Variants in TADA1 observed in about 807,000 individuals in gnomAD.
The protein encoded by TADA1 is transcriptional adapter 1.
TADA1 carries 23 observed loss-of-function variants against 39.3 expected under a neutral mutation model. The ratio of observed to expected loss-of-function variants is 0.58; its 90% CI spans 0.42 to 0.83. The LOEUF is 0.83. TADA1 is among the 40% of genes least tolerant of loss of function. The pLI, the probability that TADA1 is intolerant of heterozygous loss-of-function variation, is 0.00. For synonymous variants in TADA1, 137 were observed against 151.8 expected (o/e 0.90, Z 0.72); for missense variants, 352 against 408.1 (o/e 0.86, Z 1.18).
At position 166,862,352 on chromosome 1, in the gene TADA1, G is replaced by C; in HGVS notation, c.391C>G (p.Gln131Glu). 2 of 1,614,144 alleles carry C rather than the reference G, an allele frequency of 1.2e-6. No individual in the cohort carries two copies. The highest frequency in any genetic ancestry group is 1.7e-6 in the Non-Finnish European group (2 of 1,180,032). ...CAAAGTTTCAAGTCGTCATCATCTT[G>C]GGGATCCTTTGCCACAAATTGCTGG... ...GAQQFVAKDPQDDDDLKLCSH... is the reference protein window; with the variant it reads ...GAQQFVAKDPEDDDDLKLCSH... Residue 131 changes from glutamine to glutamate, a missense_variant, in exon 5 of 8, where the codon CAA becomes GAA. By Grantham distance (29) the Gln-to-Glu change is conservative. Coordinates refer to ENST00000367874, the MANE Select transcript of TADA1 (RefSeq NM_053053.4).
chr1:166,870,742 C>T (rs1658639501), intron 1 of TADA1, among the ~76,000 whole-genome samples: 3 of 152,084 alleles, frequency 2.0e-5, no homozygotes, highest in Admixed American at 2.0e-4. Context: ...AGTGGAGGGA[C>T]TGATTGAGCC....
chr1:166,859,795 C>G (rs1658366470), intron 6 of TADA1, among the ~76,000 whole-genome samples: 1 of 151,830 alleles, frequency 6.6e-6, no homozygotes, highest in Non-Finnish European at 1.5e-5. Flanking sequence ...CTCCCACCAC[C>G]AAGACACCCA....
intron 5 of TADA1, 92 bp downstream of exon 5, chr1:166,862,111 T>G: frequency 2.5e-6 from 3 of 1,219,014 alleles, no homozygotes; most frequent in Non-Finnish European, 3.6e-6. Context: ...CAGAGTGACA[T>G]TTGGATTCTT....
At chr1:166,869,738 A>G in intron 2 of TADA1, 25 bp downstream of exon 2, 1 of 1,590,554 alleles carries the variant, frequency 6.3e-7, no homozygotes, top group Non-Finnish European at 8.6e-7. Flanking sequence ...GAATAGTAAA[A>G]TAACTCTGCA....
chr1:166,865,580 G>C (rs796660161), intron 3 of TADA1, among the ~76,000 whole-genome samples: 5 of 152,134 alleles, frequency 3.3e-5, no homozygotes, highest in African/African-American at 1.2e-4. Flanking sequence ...TTGGGAGGCC[G>C]AGGCGGGCAG....
At chr1:166,862,014 G>A (rs962941285) in intron 5 of TADA1, among the ~76,000 whole-genome samples, 189 bp downstream of exon 5, 1 of 152,072 alleles carries the variant, frequency 6.6e-6, no homozygotes, top group Non-Finnish European at 1.5e-5. Flanking sequence ...AGCCATGATC[G>A]TGCCACTGCA....
At chr1:166,874,329 G>A (rs573481472) in intron 1 of TADA1, among the ~76,000 whole-genome samples, 4 of 149,238 alleles carry the variant, frequency 2.7e-5, no homozygotes, top group Non-Finnish European at 3.0e-5. Context: ...GACAGAGCAA[G>A]ACTCCATCTC....
intron 6 of TADA1, 82 bp from the exon 7 acceptor site, chr1:166,858,363 T>C: frequency 9.3e-7 from 1 of 1,075,228 alleles, no homozygotes; most frequent in Non-Finnish European, 1.3e-6. Flanking sequence ...AGAATCTTAT[T>C]TAAAAAATCT....
chr1:166,857,585 C>CT lies in TADA1; in HGVS notation c.989dup (p.Leu332AlafsTer7). ...TCCTAATTTAGCACAGCAAAAGCCCCTCCTTGGCTGCCAAGCGCTGGCGGT... is the reference window on the plus strand; with the variant it reads ...TCCTAATTTAGCACAGCAAAAGCCCCTTCCTTGGCTGCCAAGCGCTGGCGGT... On this transcript the variant is annotated frameshift_variant, in exon 8 of 8. Transcript: ENST00000367874. LOFTEE classifies it high-confidence loss of function. 2.5e-6 allele frequency: 4 copies of CT among 1,614,170 alleles called. No homozygotes were observed. Among genetic ancestry groups the CT allele is most frequent in the Non-Finnish European group, 3.4e-6 (4 of 1,180,032 alleles).
At chr1:166,858,702 C>A (rs1355132413) in intron 6 of TADA1, among the ~76,000 whole-genome samples, 1 of 152,242 alleles carries the variant, frequency 6.6e-6, no homozygotes, top group Non-Finnish European at 1.5e-5. Flanking sequence ...AATCCAGAAC[C>A]TGCCAATTTC....
At chr1:166,865,752 G>A (rs952342061) in intron 3 of TADA1, among the ~76,000 whole-genome samples, 2 of 151,852 alleles carry the variant, frequency 1.3e-5, no homozygotes, top group African/African-American at 4.8e-5. Flanking sequence ...CTGGGAGGCG[G>A]AGCTTGCAGT....
chr1:166,866,377 G>A (rs758323872), intron 3 of TADA1, among the ~76,000 whole-genome samples: 3 of 152,078 alleles, frequency 2.0e-5, no homozygotes, highest in Non-Finnish European at 2.9e-5. Context: ...ATGCAGAATT[G>A]TTGTGAGGAT....
At chr1:166,875,391 C>T (rs539509047) in intron 1 of TADA1, among the ~76,000 whole-genome samples, 4 of 152,092 alleles carry the variant, frequency 2.6e-5, no homozygotes, top group Non-Finnish European at 4.4e-5. Flanking sequence ...TCTGGCTGAG[C>T]GTCTCTGGGA....
chr1:166,871,537 T>C (rs1320945065), intron 1 of TADA1, among the ~76,000 whole-genome samples: 1 of 152,188 alleles, frequency 6.6e-6, no homozygotes, highest in Non-Finnish European at 1.5e-5. Context: ...GTTGTTGTTG[T>C]TGTTGTTTTT....
In TADA1 at chr1:166,862,540, A is replaced by G. The variant is rs927703282; in HGVS notation, c.331-128T>C. The G allele has an allele frequency of 4.4e-6, 3 of 681,802 alleles. No individual in the cohort carries two copies. The African/African-American group carries it at 5.4e-5, about 12-fold the overall frequency. The allele number at this position is 681,802 out of a possible 1,614,324, so 42.2% of individuals were successfully genotyped here. A position where few individuals can be genotyped will look rare whatever the true frequency, so the allele number is the denominator to read the frequency against. On this transcript the variant is annotated intron_variant, in intron 4 of 7. Transcript: ENST00000367874. The stretch of plus-strand genomic sequence containing the variant: ...AAAACTATACCACAGGGGTTAAGGG[A>G]AAAAAGAGTTAATTCATGCACAAAT...
At chr1:166,864,315 T>C (rs995705116) in intron 3 of TADA1, among the ~76,000 whole-genome samples, 2 of 152,148 alleles carry the variant, frequency 1.3e-5, no homozygotes, top group Non-Finnish European at 2.9e-5. Flanking sequence ...AATGGCACAC[T>C]TGCACAACAG....
rs1467498535 is a variant in TADA1, at chr1:166,857,299, G to C, written c.*268C>G. On this transcript the variant is annotated 3_prime_UTR_variant, in exon 8 of 8. Coordinates refer to ENST00000367874, the MANE Select transcript of TADA1 (RefSeq NM_053053.4). ...GCAGACCACAGGACACTAAGCCTCAGGTACCTAAATATCTCCATTCCAGGC... is the reference window on the plus strand; with the variant it reads ...GCAGACCACAGGACACTAAGCCTCACGTACCTAAATATCTCCATTCCAGGC... 17 of 415,660 alleles carry C rather than the reference G, an allele frequency of 4.1e-5. No homozygotes were observed. The highest frequency in any genetic ancestry group is 6.9e-5 in the Non-Finnish European group (16 of 231,654). The allele number at this position is 415,660 out of a possible 1,614,324, so 25.7% of individuals were successfully genotyped here. A position where few individuals can be genotyped will look rare whatever the true frequency, so the allele number is the denominator to read the frequency against.
chr1:166,868,821 TC>T (rs1304087735), intron 3 of TADA1: 1 of 155,816 alleles, frequency 6.4e-6, no homozygotes, highest in Non-Finnish European at 1.4e-5. Context: ...TGCCCAGCTC[TC>T]CCAGCATAAC....
At chr1:166,874,504 A>G (rs78334130) in intron 1 of TADA1, among the ~76,000 whole-genome samples, 1 of 152,002 alleles carries the variant, frequency 6.6e-6, no homozygotes, top group African/African-American at 2.4e-5. Context: ...GGTACACTAT[A>G]GTCGGGTGTG....
Sources: gnomAD v4.1 joint callset for allele counts (sites outside exome capture counted in the v4.1 genomes callset) on GRCh38, gnomAD v4.1.1 for gene constraint, MANE v1.5 for transcripts, NCBI Gene and HGNC (gene_info 2026-07-23, HGNC 2026-07-21) for gene names.